Variants in PCDHGA2 observed in about 807,000 individuals in gnomAD.
PCDHGA2 encodes the protein protocadherin gamma-A2.
PCDHGA2 carries 40 observed loss-of-function variants against 59.2 expected under a neutral mutation model. That is an observed-to-expected ratio of 0.68 (90% CI 0.52 to 0.88). PCDHGA2 has a LOEUF of 0.88. Among genes scored for constraint, PCDHGA2 ranks in the 40% least tolerant of loss-of-function variants. The pLI, the probability that PCDHGA2 is intolerant of heterozygous loss-of-function variation, is 0.00. For synonymous variants in PCDHGA2, 560 were observed against 526.0 expected (o/e 1.06, Z -0.89); for missense variants, 1,226 against 1,204.0 (o/e 1.02, Z -0.27).
At chr5:141,457,940 T>G (rs541807221) in intron 1 of PCDHGA2, among the ~76,000 whole-genome samples, 2 of 152,356 alleles carry the variant, frequency 1.3e-5, no homozygotes, top group East Asian at 3.9e-4. Flanking sequence ...TTTTATTGGC[T>G]CTGCATGTCA....
rs377060474 is a variant in PCDHGA2, at chr5:141,487,810, C to A, written c.2425-6997C>A. The A allele has an allele frequency of 7.4e-4, 1,055 of 1,417,844 alleles. 13 individuals carry two copies. In the South Asian group the frequency reaches 0.013, roughly 17 times the overall value. The allele number at this position is 1,417,844 out of a possible 1,614,324, so 87.8% of individuals were successfully genotyped here. A position where few individuals can be genotyped will look rare whatever the true frequency, so the allele number is the denominator to read the frequency against. ...ATTAACCAGAGTTGTCACAGTTTAG[C>A]ATTGGGGGCGGGTCATGCCTATATC... On this transcript the variant is annotated intron_variant, in intron 1 of 3. Transcript: ENST00000394576. The surrounding 1 kb of genome is among the most constrained non-coding windows in gnomAD (Gnocchi z 5.0).
intron 1 of PCDHGA2, among the ~76,000 whole-genome samples, chr5:141,472,992 A>G (rs2099309983): frequency 6.6e-6 from 1 of 151,994 alleles, no homozygotes; most frequent in South Asian, 2.1e-4. Context: ...AAAAAAAAAA[A>G]AAAAAGAAAG....
At chr5:141,341,486 C>T in intron 1 of PCDHGA2, 91 bp downstream of exon 1, 3 of 1,571,260 alleles carry the variant, frequency 1.9e-6, no homozygotes, top group Non-Finnish European at 2.6e-6. Flanking sequence ...CCCCATATTT[C>T]CTTGAGGGTA....
intron 1 of PCDHGA2, chr5:141,478,323 G>T (rs1234175290): frequency 1.2e-6 from 2 of 1,613,958 alleles, no homozygotes; most frequent in African/African-American, 2.7e-5. Context: ...TCACTGTACC[G>T]AACACCAGGG....
rs1391017504 is a variant in PCDHGA2 at position 141,490,732 on chromosome 5, G to GTTCAGGGAGCCCCAGCCTCCTCCT, written c.2425-4072_2425-4049dup. 6.2e-7 allele frequency: 1 copy of GTTCAGGGAGCCCCAGCCTCCTCCT among 1,614,070 alleles called. No individual in the cohort carries two copies. Among genetic ancestry groups the GTTCAGGGAGCCCCAGCCTCCTCCT allele is most frequent in the Non-Finnish European group, 8.5e-7 (1 of 1,180,050 alleles). On this transcript the variant is annotated intron_variant, in intron 1 of 3. Coordinates refer to ENST00000394576, the MANE Select transcript of PCDHGA2 (RefSeq NM_018915.4). This position sits in a 1 kb window ranked among gnomAD's most constrained non-coding sequence, Gnocchi z 5.4. ...CACCTACTCCATTGTAGGAAATCAG[G>GTTCAGGGAGCCCCAGCCTCCTCCT]TTCAGGGAGCCCCAGCCTCCTCCTT...
intron 1 of PCDHGA2, among the ~76,000 whole-genome samples, chr5:141,462,783 T>C (rs1313584666): frequency 6.6e-6 from 1 of 152,236 alleles, no homozygotes; most frequent in Non-Finnish European, 1.5e-5. Flanking sequence ...CATAATTTGT[T>C]GCTTATTTGC....
intron 1 of PCDHGA2, among the ~76,000 whole-genome samples, chr5:141,406,933 T>C (rs1034700573): frequency 6.6e-6 from 1 of 152,218 alleles, no homozygotes; most frequent in African/African-American, 2.4e-5. Flanking sequence ...ATGTATTATT[T>C]AATGTTATTT....
rs1197249074 is a variant in PCDHGA2 at position 141,438,579 on chromosome 5, CATACATACATACATATATAT to C, written c.2425-56224_2425-56205del. ...AAGAGGCAGCTGTCTGATATACATACATACATACATACATATATATATATATATATATATATATATATATA... is the reference window on the plus strand; with the variant it reads ...AAGAGGCAGCTGTCTGATATACATACATATATATATATATATATATATATA... On this transcript the variant is annotated intron_variant, in intron 1 of 3. Transcript: ENST00000394576. Among the ~76,000 whole-genome samples the C allele has an allele frequency of 5.3e-3, 298 of 55,734 alleles. 1 individual carries two copies. Among genetic ancestry groups the C allele is most frequent in the Admixed American group, 0.022 (77 of 3,542 alleles). The allele number at this position is 55,734 out of a possible 152,430, so 36.6% of individuals were successfully genotyped here.
At chr5:141,425,209 A>G (rs2096861765) in intron 1 of PCDHGA2, among the ~76,000 whole-genome samples, 1 of 152,180 alleles carries the variant, frequency 6.6e-6, no homozygotes, top group African/African-American at 2.4e-5. Context: ...GATGTAAGGC[A>G]TTGTACTTTG....
intron 1 of PCDHGA2, chr5:141,478,679 C>T (rs1247027395): frequency 3.2e-6 from 5 of 1,551,382 alleles, no homozygotes; most frequent in East Asian, 2.4e-5. Flanking sequence ...TCAACTGGCC[C>T]TTCCTAGATC....
chr5:141,414,659 T>C lies in PCDHGA2; in HGVS notation c.2424+73264T>C, dbSNP rs566999623. On this transcript the variant is annotated intron_variant, in intron 1 of 3. Coordinates refer to ENST00000394576, the MANE Select transcript of PCDHGA2 (RefSeq NM_018915.4). ...GAGAATGCCCAGATTATTTACTCCC[T>C]GGCTGAAGACACCATCCAGGGGGTA... 21 of 1,614,010 alleles carry C rather than the reference T, an allele frequency of 1.3e-5. No homozygotes were observed. In the South Asian group the frequency reaches 2.2e-4, roughly 17 times the overall value.
In PCDHGA2 at chr5:141,467,461, A is replaced by G. The variant is rs1330947379; in HGVS notation, c.2425-27346A>G. ...ATTACTTTTTTCTTCCAGTGCTAGT[A>G]CTTGCATGGTTTTTGGTTTCCACAT... On this transcript the variant is annotated intron_variant, in intron 1 of 3. Coordinates refer to ENST00000394576, the MANE Select transcript of PCDHGA2 (RefSeq NM_018915.4). 2.6e-5 allele frequency among the ~76,000 whole-genome samples: 4 copies of G among 152,158 alleles called. No homozygotes were observed. The South Asian group carries it at 8.3e-4, about 31-fold the overall frequency.
At chr5:141,360,897 C>A in intron 1 of PCDHGA2, 4 of 1,614,016 alleles carry the variant, frequency 2.5e-6, no homozygotes, top group Non-Finnish European at 3.4e-6. Flanking sequence ...TGAGGGAGGA[C>A]GTGCCGCCGG....
intron 1 of PCDHGA2, among the ~76,000 whole-genome samples, chr5:141,450,335 T>A (rs1054670037): frequency 1.3e-5 from 2 of 152,158 alleles, no homozygotes; most frequent in African/African-American, 4.8e-5. Context: ...CTCTTTAATC[T>A]ACTTTAATCT....
rs182905441 is a variant in PCDHGA2, at chr5:141,450,871, C to A, written c.2425-43936C>A. Among the ~76,000 whole-genome samples, 581 of 149,672 alleles carry A rather than the reference C, an allele frequency of 3.9e-3. 6 individuals carry two copies. Among genetic ancestry groups the A allele is most frequent in the Admixed American group, 0.011 (168 of 14,998 alleles). ...ATGGGGTCTTGCTCTGTCACCCAGGCTGGTGTGCAGTGGTGCGATATCGGC... is the reference window on the plus strand; with the variant it reads ...ATGGGGTCTTGCTCTGTCACCCAGGATGGTGTGCAGTGGTGCGATATCGGC... On this transcript the variant is annotated intron_variant, in intron 1 of 3. Coordinates refer to ENST00000394576, the MANE Select transcript of PCDHGA2 (RefSeq NM_018915.4).
At chr5:141,376,005 G>A (rs1265900699) in intron 1 of PCDHGA2, 1 of 1,613,430 alleles carries the variant, frequency 6.2e-7, no homozygotes, top group Non-Finnish European at 8.5e-7. Flanking sequence ...CTCAAGCAGA[G>A]CCTAGTGGTG....
chr5:141,414,263 A>G, intron 1 of PCDHGA2: 1 of 1,613,500 alleles, frequency 6.2e-7, no homozygotes, highest in Non-Finnish European at 8.5e-7. Flanking sequence ...GTGACTGAAG[A>G]TTCACCTCTG....
intron 1 of PCDHGA2, among the ~76,000 whole-genome samples, chr5:141,458,112 A>C (rs2098937913): frequency 6.6e-6 from 1 of 152,208 alleles, no homozygotes; most frequent in Non-Finnish European, 1.5e-5. Context: ...ATAGTCTCCA[A>C]ATTTTAGAGG....
chr5:141,389,607 A>G, intron 1 of PCDHGA2: 1 of 1,613,070 alleles, frequency 6.2e-7, no homozygotes, highest in Non-Finnish European at 8.5e-7. Context: ...GCTCTTCGAT[A>G]TGGTGCCGCA....
Sources: gnomAD v4.1 joint callset for allele counts (sites outside exome capture counted in the v4.1 genomes callset) on GRCh38, gnomAD v4.1.1 for gene constraint, Gnocchi (gnomAD v3.1) non-coding constraint, MANE v1.5 for transcripts, NCBI Gene and HGNC (gene_info 2026-07-23, HGNC 2026-07-21) for gene names.